The following RNF4 variants were observed in gnomAD, a reference collection of about 807,000 sequenced individuals.
RNF4 encodes the protein ring finger protein 4, also known as E3 ubiquitin-protein ligase RNF4.
RNF4 carries 7 observed loss-of-function variants against 24.3 expected under a neutral mutation model. That is an observed-to-expected ratio of 0.29 (90% CI 0.16 to 0.54). The LOEUF (loss-of-function observed/expected upper bound fraction) is 0.54. Ranked by LOEUF, RNF4 falls within the 20% of genes least tolerant of loss-of-function variation. The pLI, the probability that RNF4 is intolerant of heterozygous loss-of-function variation, is 0.95. For synonymous variants in RNF4, 83 were observed against 84.3 expected, an observed-to-expected ratio of 0.98 and a Z score of 0.09; for missense variants, 209 against 248.5, an observed-to-expected ratio of 0.84 and a Z score of 1.07.
intron 1 of RNF4, among the ~76,000 whole-genome samples, chr4:2,471,372 G>A (rs1299118989): frequency 6.6e-6 from 1 of 152,130 alleles, no homozygotes; most frequent in African/African-American, 2.4e-5. Context: ...GTAAAAGTTG[G>A]GTGTGTACTA....
intron 4 of RNF4, among the ~76,000 whole-genome samples, chr4:2,509,208 C>T (rs184974200): frequency 1.6e-3 from 241 of 151,820 alleles, no homozygotes; most frequent in African/African-American, 5.6e-3. Flanking sequence ...CATGAGCCAC[C>T]GGGCCTGTGC....
chr4:2,477,544 C>T (rs1254229735), intron 1 of RNF4, among the ~76,000 whole-genome samples: 1 of 152,074 alleles, frequency 6.6e-6, no homozygotes, highest in African/African-American at 2.4e-5. Flanking sequence ...GAGATCATGC[C>T]ACTGCACTCC....
intron 2 of RNF4, 139 bp from the exon 3 acceptor site, chr4:2,496,868 A>G (rs1735751254): frequency 8.4e-6 from 5 of 596,640 alleles, no homozygotes; most frequent in East Asian, 2.9e-5. Context: ...TTGAATCTCA[A>G]GTTTTGAAAG....
In RNF4 at chr4:2,512,242, G is replaced by C. The variant is rs1560415178; in HGVS notation, c.215-196G>C. On this transcript the variant is annotated intron_variant, in intron 5 of 7. Transcript: ENST00000314289. This position sits in a 1 kb window ranked among gnomAD's most constrained non-coding sequence, Gnocchi z 4.1. ...GGTAGCTCACAGCAGGGGTTGGGGG[G>C]TTTCTCCTGGGAAGATAAGATAGTG... 1 of 704,576 alleles carries C rather than the reference G, an allele frequency of 1.4e-6. No homozygotes were observed. Among genetic ancestry groups the C allele is most frequent in the African/African-American group, 1.8e-5 (1 of 55,878 alleles). The allele number at this position is 704,576 out of a possible 1,614,324, so 43.6% of individuals were successfully genotyped here. A position where few individuals can be genotyped will look rare whatever the true frequency, so the allele number is the denominator to read the frequency against.
At chr4:2,476,008 T>C (rs535476280) in intron 1 of RNF4, among the ~76,000 whole-genome samples, 2 of 152,294 alleles carry the variant, frequency 1.3e-5, no homozygotes, top group African/African-American at 4.8e-5. Context: ...AACAAAATAG[T>C]ATCTTTATTT....
intron 1 of RNF4, among the ~76,000 whole-genome samples, chr4:2,477,854 C>T (rs1735128294): frequency 6.6e-6 from 1 of 152,130 alleles, no homozygotes; most frequent in Non-Finnish European, 1.5e-5. Flanking sequence ...GAAAAGATAC[C>T]TGAAAATTTG....
chr4:2,485,470 TC>T (rs1325335494), intron 1 of RNF4, among the ~76,000 whole-genome samples: 6 of 152,218 alleles, frequency 3.9e-5, no homozygotes, highest in Admixed American at 3.3e-4. Context: ...GGGCCCTTTC[TC>T]CCTGGGTGTC....
intron 1 of RNF4, chr4:2,469,952 C>T (rs1022455691): frequency 2.0e-5 from 3 of 152,292 alleles, no homozygotes; most frequent in South Asian, 2.1e-4. Flanking sequence ...ATTCTCACGA[C>T]CCGAAACAGA....
intron 4 of RNF4, among the ~76,000 whole-genome samples, chr4:2,502,193 G>C (rs1453387935): frequency 2.0e-5 from 3 of 152,180 alleles, no homozygotes; most frequent in African/African-American, 7.2e-5. Context: ...AGTGGTGTCT[G>C]CAGAAGTTTT....
chr4:2,502,855 AAAAG>A (rs1560411109), intron 4 of RNF4, among the ~76,000 whole-genome samples: 1 of 151,342 alleles, frequency 6.6e-6, no homozygotes, highest in South Asian at 2.1e-4. Context: ...AAAAAAAAAA[AAAAG>A]AAAAGAAAAG....
chr4:2,511,724 C>T (rs886492958), intron 4 of RNF4, among the ~76,000 whole-genome samples: 5 of 152,152 alleles, frequency 3.3e-5, no homozygotes, highest in African/African-American at 1.2e-4. Context: ...AAACACCCAG[C>T]AGGGAGAGAC....
rs770236351 is a variant in RNF4, at chr4:2,512,052, A to C, written c.214+87A>C. The C allele has an allele frequency of 8.4e-5, 110 of 1,316,180 alleles. No individual in the cohort carries two copies. The highest frequency in any genetic ancestry group is 1.1e-4 in the Non-Finnish European group (101 of 932,676). The allele number at this position is 1,316,180 out of a possible 1,614,324, so 81.5% of individuals were successfully genotyped here. A position where few individuals can be genotyped will look rare whatever the true frequency, so the allele number is the denominator to read the frequency against. ...GCGGTGCTGCAGGTCTTGCCAGACC[A>C]TCCCCAAGGGCTTGGAGCGCTCCAA... On this transcript the variant is annotated intron_variant, in intron 5 of 7. Transcript: ENST00000314289. This position sits in a 1 kb window ranked among gnomAD's most constrained non-coding sequence, Gnocchi z 4.1.
chr4:2,488,824 A>ATTTT (rs1424480091), intron 1 of RNF4, among the ~76,000 whole-genome samples: 2 of 151,592 alleles, frequency 1.3e-5, no homozygotes, highest in Non-Finnish European at 2.9e-5. Context: ...TTATTTATTT[A>ATTTT]TTTATTTTTT....
intron 4 of RNF4, among the ~76,000 whole-genome samples, chr4:2,509,932 G>A (rs1206117004): frequency 6.6e-6 from 1 of 152,144 alleles, no homozygotes; most frequent in Admixed American, 6.5e-5. Context: ...CTAAACCCAA[G>A]GCTTTCCCCA....
At chr4:2,491,586 G>A (rs570102100) in intron 2 of RNF4, among the ~76,000 whole-genome samples, 2 of 152,176 alleles carry the variant, frequency 1.3e-5, no homozygotes, top group South Asian at 4.1e-4. Flanking sequence ...TGGATTACAG[G>A]CACCTACCAC....
chr4:2,504,845 G>A (rs1003582028), intron 4 of RNF4, among the ~76,000 whole-genome samples: 3 of 147,418 alleles, frequency 2.0e-5, no homozygotes, highest in African/African-American at 7.6e-5. Flanking sequence ...CAATTCTCCT[G>A]CCTCAGCCTA....
intron 3 of RNF4, among the ~76,000 whole-genome samples, chr4:2,499,168 G>A (rs1412019984): frequency 1.3e-5 from 2 of 152,108 alleles, no homozygotes; most frequent in Non-Finnish European, 2.9e-5. Flanking sequence ...CTGCACTCCT[G>A]CCTGGACGAC....
chr4:2,504,094 G>A (rs1735995429), intron 4 of RNF4, among the ~76,000 whole-genome samples: 1 of 152,182 alleles, frequency 6.6e-6, no homozygotes, highest in Non-Finnish European at 1.5e-5. Flanking sequence ...ATACAGGTGT[G>A]CACATTCTTC....
intron 1 of RNF4, among the ~76,000 whole-genome samples, chr4:2,476,016 T>C (rs1297773740): frequency 6.6e-6 from 1 of 152,214 alleles, no homozygotes; most frequent in East Asian, 1.9e-4. Context: ...AGTATCTTTA[T>C]TTTTGCTTTC....
Sources: gnomAD v4.1 joint callset for allele counts (sites outside exome capture counted in the v4.1 genomes callset) on GRCh38, gnomAD v4.1.1 for gene constraint, Gnocchi (gnomAD v3.1) non-coding constraint, MANE v1.5 for transcripts, NCBI Gene and HGNC (gene_info 2026-07-23, HGNC 2026-07-21) for gene names.